Variants in EIF3L observed in about 807,000 individuals in gnomAD.
EIF3L encodes the protein eukaryotic translation initiation factor 3 subunit L.
In EIF3L, 32 loss-of-function variants were observed where a neutral mutation model predicts 74.6. The ratio of observed to expected loss-of-function variants is 0.43; its 90% CI spans 0.32 to 0.58. EIF3L has a LOEUF of 0.58. EIF3L is among the 20% of genes least tolerant of loss of function. The pLI is 0.06. For missense variants in EIF3L, 474 were observed against 707.8 expected (o/e 0.67, Z 3.75); for synonymous variants, 256 against 254.4 (o/e 1.01, Z -0.06).
chr22:37,859,712 C>A (rs1484225474), intron 5 of EIF3L, among the ~76,000 whole-genome samples: 1 of 151,144 alleles, frequency 6.6e-6, no homozygotes, highest in Non-Finnish European at 1.5e-5. Context: ...AAAATGCCAT[C>A]TGTACTATTT....
At chr22:37,872,379 C>T (rs961641939) in intron 8 of EIF3L, among the ~76,000 whole-genome samples, 3 of 152,164 alleles carry the variant, frequency 2.0e-5, no homozygotes, top group South Asian at 2.1e-4. Context: ...CTGCCTCGGC[C>T]TCCCAAAGTG....
chr22:37,865,753 C>T (rs1434688390), intron 7 of EIF3L, among the ~76,000 whole-genome samples: 2 of 152,224 alleles, frequency 1.3e-5, no homozygotes, highest in African/African-American at 4.8e-5. Context: ...CTTGTTTGCC[C>T]TCTGGCTCCT....
At chr22:37,849,761 G>C in intron 1 of EIF3L, 1 of 605,614 alleles carries the variant, frequency 1.7e-6, no homozygotes, top group Non-Finnish European at 2.9e-6. Context: ...TTTTGGTCTA[G>C]GCTCCGTCTG....
chr22:37,877,345 C>T (rs1926806303), intron 10 of EIF3L: 1 of 270,078 alleles, frequency 3.7e-6, no homozygotes, highest in African/African-American at 2.2e-5. Flanking sequence ...TTTCTGTCGT[C>T]ATCAAGGTTG....
At chr22:37,863,592 G>T (rs1294584628) in intron 7 of EIF3L, among the ~76,000 whole-genome samples, 2 of 152,132 alleles carry the variant, frequency 1.3e-5, no homozygotes, top group Non-Finnish European at 2.9e-5. Flanking sequence ...ACTAGACCTT[G>T]TTAGGTGGTC....
intron 11 of EIF3L, chr22:37,881,756 G>T (rs1191998289): frequency 6.6e-6 from 1 of 152,050 alleles, no homozygotes; most frequent in Non-Finnish European, 1.5e-5. Flanking sequence ...GGGCAGAGGG[G>T]GTCTTCTGTG....
At chr22:37,873,863 A>G (rs1464777632) in intron 8 of EIF3L, among the ~76,000 whole-genome samples, 2 of 152,166 alleles carry the variant, frequency 1.3e-5, no homozygotes, top group South Asian at 2.1e-4. Flanking sequence ...AAGCCTGGCT[A>G]AGGACTAGTT....
chr22:37,850,374 C>T (rs1037740141), intron 2 of EIF3L: 9 of 291,184 alleles, frequency 3.1e-5, no homozygotes, highest in Non-Finnish European at 5.4e-5. Context: ...CCCTCTGTCC[C>T]CCAGGCTGGA....
At chr22:37,855,205 G>A (rs1198959398) in intron 3 of EIF3L, among the ~76,000 whole-genome samples, 2 of 152,132 alleles carry the variant, frequency 1.3e-5, no homozygotes, top group East Asian at 1.9e-4. Flanking sequence ...GTTTAGAGAC[G>A]TTTGGATGTG....
intron 7 of EIF3L, among the ~76,000 whole-genome samples, chr22:37,865,031 T>C (rs913946495): frequency 6.6e-6 from 1 of 152,222 alleles, no homozygotes; most frequent in African/African-American, 2.4e-5. Flanking sequence ...ATGTTCAATG[T>C]CATCATTATT....
At chr22:37,862,794 T>A (rs1925927644) in intron 5 of EIF3L, among the ~76,000 whole-genome samples, 175 bp from the exon 6 acceptor site, 1 of 152,218 alleles carries the variant, frequency 6.6e-6, no homozygotes, top group South Asian at 2.1e-4. Flanking sequence ...CAGTATTCAG[T>A]GCGTCAGCTG....
intron 5 of EIF3L, 92 bp from the exon 6 acceptor site, chr22:37,862,877 C>T: frequency 1.1e-6 from 1 of 910,736 alleles, no homozygotes; most frequent in Non-Finnish European, 1.7e-6. Flanking sequence ...TACCAATTCT[C>T]TTGTATTTGT....
intron 8 of EIF3L, among the ~76,000 whole-genome samples, chr22:37,872,273 C>T (rs190167391): frequency 6.6e-5 from 10 of 152,176 alleles, no homozygotes; most frequent in Admixed American, 2.0e-4. Flanking sequence ...TACAGGCACA[C>T]GCCACCACGC....
Position 37,874,518 on chromosome 22 carries a change from CAAG to C in EIF3L, c.904_906del (p.Lys302del). The C allele has an allele frequency of 6.2e-7, 1 of 1,613,782 alleles. No homozygotes were observed. Among genetic ancestry groups the C allele is most frequent in the Non-Finnish European group, 8.5e-7 (1 of 1,179,818 alleles). On this transcript the variant is annotated inframe_deletion, in exon 9 of 13. Transcript: ENST00000652021. ...AGGTGCTGGAGAACATCGAACTGAA[CAAG>C]AAGGTGATGCCTATTGCCTCTGGCC...
At position 37,875,943 on chromosome 22, in the gene EIF3L, G is replaced by A. The variant is rs1453440089; in HGVS notation, c.1009G>A (p.Ala337Thr). The A allele has an allele frequency of 1.9e-6, 3 of 1,613,846 alleles. No individual in the cohort carries two copies. The highest frequency in any genetic ancestry group is 3.3e-5 in the Admixed American group (2 of 59,970). ...TTACCAGGATGCCATCCGGGTCTTC[G>A]CCAACATCCTCCTCTACATCCAGAG... is the stretch of plus-strand genomic sequence containing the variant. ...RRYQDAIRVFANILLYIQRTK... is the reference protein window; with the variant it reads ...RRYQDAIRVFTNILLYIQRTK... Residue 337 changes from alanine (A) to threonine (T), a missense_variant, in exon 10 of 13, where the codon GCC becomes ACC. This residue lies in a region of EIF3L where 293 missense variants were observed against 469.1 expected (regional missense o/e 0.62). Transcript: ENST00000652021.
At position 37,875,916 on chromosome 22, in the gene EIF3L, C is replaced by T. The variant is rs1439422406; in HGVS notation, c.982C>T (p.Arg328Cys). 4 of 1,614,068 alleles carry T rather than the reference C, an allele frequency of 2.5e-6. No individual in the cohort carries two copies. Among genetic ancestry groups the T allele is most frequent in the Non-Finnish European group, 3.4e-6 (4 of 1,180,006 alleles). ...YVGFAYLMMRRYQDAIRVFAN... is the reference protein window; with the variant it reads ...YVGFAYLMMRCYQDAIRVFAN... ...TGGGTTTGCATATTTGATGATGCGTCGTTACCAGGATGCCATCCGGGTCTT... is the reference window on the plus strand; with the variant it reads ...TGGGTTTGCATATTTGATGATGCGTTGTTACCAGGATGCCATCCGGGTCTT... The change falls in exon 10 of 13, where the codon CGT (arginine) becomes TGT (cysteine). Residue 328 changes from arginine (R) to cysteine (C), a missense_variant. This residue lies in a region of EIF3L where 293 missense variants were observed against 469.1 expected (regional missense o/e 0.62). Transcript: ENST00000652021.
chr22:37,870,215 A>G lies in EIF3L; in HGVS notation c.619A>G (p.Lys207Glu). The change falls in exon 8 of 13, where the codon AAG (lysine) becomes GAG (glutamate). Residue 207 changes from lysine to glutamate, a missense_variant. Lys to Glu is a moderately conservative substitution (Grantham distance 56). Around this residue, in one of 4 missense-constraint regions of EIF3L, gnomAD observed 293 missense variants for 469.1 expected, o/e 0.62. Transcript: ENST00000652021. ...TCAGTACCGCTGTAAGACTGCCAAGAAGTCAGAGGAGGAGATTGACTTTCT... is the reference window on the plus strand; with the variant it reads ...TCAGTACCGCTGTAAGACTGCCAAGGAGTCAGAGGAGGAGATTGACTTTCT... ...FSQYRCKTAK[K>E]SEEEIDFLRS... is the part of the protein sequence containing the mutation. 6.2e-7 allele frequency: 1 copy of G among 1,613,548 alleles called. No homozygotes were observed. Among genetic ancestry groups the G allele is most frequent in the Non-Finnish European group, 8.5e-7 (1 of 1,179,722 alleles).
intron 7 of EIF3L, among the ~76,000 whole-genome samples, chr22:37,863,553 G>T (rs1345245250): frequency 1.3e-5 from 2 of 152,176 alleles, no homozygotes; most frequent in Non-Finnish European, 2.9e-5. Context: ...AGTCGGATAA[G>T]TTCAGCTCCT....
intron 4 of EIF3L, among the ~76,000 whole-genome samples, chr22:37,858,121 A>G (rs1925633562): frequency 6.6e-6 from 1 of 151,362 alleles, no homozygotes; most frequent in African/African-American, 2.4e-5. Flanking sequence ...GGCTGCAGTG[A>G]GCCATGATCA....
Sources: gnomAD v4.1 joint callset for allele counts (sites outside exome capture counted in the v4.1 genomes callset) on GRCh38, gnomAD v4.1.1 for gene constraint, gnomAD v4.1.1 regional missense constraint, MANE v1.5 for transcripts, NCBI Gene and HGNC (gene_info 2026-07-23, HGNC 2026-07-21) for gene names.